The following WWOX variants were observed in gnomAD, a reference collection of about 807,000 sequenced individuals.
The protein encoded by WWOX is WW domain-containing oxidoreductase.
Under a neutral mutation model 46.2 loss-of-function variants are expected in WWOX, and 69 were observed. The ratio of observed to expected loss-of-function variants is 1.49; its 90% CI spans 1.23 to 1.82. The LOEUF (loss-of-function observed/expected upper bound fraction) is 1.82. Ranked by LOEUF, WWOX falls within the 40% of genes most tolerant of loss-of-function variation. The pLI, the probability that WWOX is intolerant of heterozygous loss-of-function variation, is 0.00. For missense variants in WWOX, 919 were observed against 542.6 expected, an observed-to-expected ratio of 1.69 and a Z score of -6.89; for synonymous variants, 359 against 202.6, an observed-to-expected ratio of 1.77 and a Z score of -6.56.
At chr16:78,778,724 G>C (rs912948499) in intron 8 of WWOX, among the ~76,000 whole-genome samples, 1 of 152,158 alleles carries the variant, frequency 6.6e-6, no homozygotes, top group African/African-American at 2.4e-5. Context: ...AGATTGGCCT[G>C]AAGGAAGACT....
intron 7 of WWOX, among the ~76,000 whole-genome samples, chr16:78,426,276 G>C (rs1348178635): frequency 2.6e-5 from 4 of 152,184 alleles, no homozygotes; most frequent in Non-Finnish European, 4.4e-5. Context: ...AGGCAGCAGA[G>C]AGAGCTCCAG....
At chr16:78,358,573 G>A (rs1597094005) in intron 5 of WWOX, among the ~76,000 whole-genome samples, 2 of 152,206 alleles carry the variant, frequency 1.3e-5, no homozygotes, top group African/African-American at 2.4e-5. Context: ...ACTGAGAATC[G>A]CTTGAACCTG....
intron 8 of WWOX, among the ~76,000 whole-genome samples, chr16:79,149,062 G>T (rs560994807): frequency 6.6e-6 from 1 of 152,108 alleles, no homozygotes; most frequent in Non-Finnish European, 1.5e-5. Context: ...AGAACTTCCT[G>T]TGCTATGTTG....
intron 8 of WWOX, among the ~76,000 whole-genome samples, chr16:78,529,632 A>C (rs927630009): frequency 6.7e-6 from 1 of 149,216 alleles, no homozygotes; most frequent in African/African-American, 2.5e-5. Flanking sequence ...ACACCTGGCA[A>C]TTTTTTTTTT....
At chr16:79,013,393 G>C (rs1396101856) in intron 8 of WWOX, among the ~76,000 whole-genome samples, 1 of 152,204 alleles carries the variant, frequency 6.6e-6, no homozygotes, top group African/African-American at 2.4e-5. Context: ...TCTTGTCTCT[G>C]CTCAGTTCTG....
chr16:78,852,914 G>T (rs760181302), intron 8 of WWOX, among the ~76,000 whole-genome samples: 2 of 152,140 alleles, frequency 1.3e-5, no homozygotes, highest in Admixed American at 6.5e-5. Context: ...TTGGTGACAG[G>T]CTTCTTTCTT....
chr16:78,373,785 G>T (rs78927700), intron 5 of WWOX, among the ~76,000 whole-genome samples: 1 of 151,994 alleles, frequency 6.6e-6, no homozygotes, highest in African/African-American at 2.4e-5. Context: ...AAACTTTTCT[G>T]AGCATATATA....
At chr16:78,617,907 A>C (rs1159710054) in intron 8 of WWOX, among the ~76,000 whole-genome samples, 2 of 152,192 alleles carry the variant, frequency 1.3e-5, no homozygotes, top group Non-Finnish European at 2.9e-5. Flanking sequence ...TTTCATGTGC[A>C]CATTGCCCAT....
At chr16:79,194,765 G>C (rs2051205512) in intron 8 of WWOX, among the ~76,000 whole-genome samples, 1 of 152,118 alleles carries the variant, frequency 6.6e-6, no homozygotes, top group Admixed American at 6.6e-5. Flanking sequence ...CTTGATCACT[G>C]AGTTAAATAA....
intron 8 of WWOX, among the ~76,000 whole-genome samples, chr16:78,475,848 A>C (rs575243436): frequency 6.6e-6 from 1 of 152,042 alleles, no homozygotes; most frequent in South Asian, 2.1e-4. Context: ...GCCCACCTCA[A>C]CCTCCCAAAA....
At chr16:78,102,409 C>T (rs2031856895) in intron 1 of WWOX, among the ~76,000 whole-genome samples, 1 of 152,226 alleles carries the variant, frequency 6.6e-6, no homozygotes, top group African/African-American at 2.4e-5. Context: ...GAAGCTTGGG[C>T]TCTGTTGGCA....
chr16:78,388,645 CAAAAAAAAAAAA>C (rs59881601), intron 6 of WWOX, among the ~76,000 whole-genome samples: 1 of 53,032 alleles, frequency 1.9e-5, no homozygotes, highest in African/African-American at 8.4e-5. Context: ...GACTCCGTCT[CAAAAAAAAAAAA>C]AAAAAAAAAA....
chr16:78,913,858 G>T (rs1362585762), intron 8 of WWOX, among the ~76,000 whole-genome samples: 6 of 151,848 alleles, frequency 4.0e-5, no homozygotes, highest in Non-Finnish European at 7.4e-5. Flanking sequence ...ACGGGGTCTT[G>T]CTATGTTGTC....
chr16:78,385,530 C>G (rs959930608), intron 5 of WWOX, among the ~76,000 whole-genome samples: 5 of 152,144 alleles, frequency 3.3e-5, no homozygotes, highest in African/African-American at 1.2e-4. Flanking sequence ...TGTTTTCTAG[C>G]TGTCACTGCC....
intron 8 of WWOX, among the ~76,000 whole-genome samples, chr16:78,539,528 T>C (rs2043837324): frequency 1.3e-5 from 2 of 152,254 alleles, no homozygotes; most frequent in Non-Finnish European, 2.9e-5. Flanking sequence ...TAGTTAATTC[T>C]TGTTGACAGA....
At chr16:79,019,612 G>C (rs2047490850) in intron 8 of WWOX, among the ~76,000 whole-genome samples, 1 of 151,916 alleles carries the variant, frequency 6.6e-6, no homozygotes, top group South Asian at 2.1e-4. Flanking sequence ...CTGGTATCCT[G>C]CGTATCTGTG....
chr16:78,798,374 T>C (rs2050798589), intron 8 of WWOX, among the ~76,000 whole-genome samples: 1 of 152,084 alleles, frequency 6.6e-6, no homozygotes, highest in Admixed American at 6.5e-5. Context: ...AAAAAGCTAA[T>C]AACACAACCC....
At chr16:78,941,674 A>G (rs1448096621) in intron 8 of WWOX, among the ~76,000 whole-genome samples, 2 of 152,184 alleles carry the variant, frequency 1.3e-5, no homozygotes, top group African/African-American at 4.8e-5. Flanking sequence ...TTGTATTTGC[A>G]TCCCCCCTAC....
chr16:78,217,534 G>A (rs770941531), intron 5 of WWOX, among the ~76,000 whole-genome samples: 1 of 152,156 alleles, frequency 6.6e-6, no homozygotes, highest in South Asian at 2.1e-4. Context: ...ATGTGATCCT[G>A]CCGATGAGAT....
Sources: gnomAD v4.1 joint callset for allele counts (sites outside exome capture counted in the v4.1 genomes callset) on GRCh38, gnomAD v4.1.1 for gene constraint, MANE v1.5 for transcripts, NCBI Gene and HGNC (gene_info 2026-07-23, HGNC 2026-07-21) for gene names.